The following GMPR variants were observed in gnomAD, a reference collection of about 807,000 sequenced individuals.
The protein encoded by GMPR is guanosine monophosphate reductase.
A neutral mutation model predicts 38.4 loss-of-function variants in GMPR; 31 were observed. The observed-to-expected ratio is 0.81, with a 90% CI of 0.61 to 1.09. The LOEUF is 1.09. Ranked by LOEUF, GMPR falls within the 50% of genes least tolerant of loss-of-function variation. The pLI is 0.00. For missense variants in GMPR, 468 were observed against 453.7 expected (o/e 1.03, Z -0.29); for synonymous variants, 162 against 173.3 (o/e 0.93, Z 0.51).
At chr6:16,250,114 T>A (rs116352774) in intron 2 of GMPR, among the ~76,000 whole-genome samples, 170 bp from the exon 3 acceptor site, 1 of 152,240 alleles carries the variant, frequency 6.6e-6, no homozygotes, top group African/African-American at 2.4e-5. Flanking sequence ...ATGATTTCAA[T>A]GGTTGTACCT....
chr6:16,288,554 C>G (rs1038280652), intron 7 of GMPR, among the ~76,000 whole-genome samples: 1 of 152,216 alleles, frequency 6.6e-6, no homozygotes, highest in Non-Finnish European at 1.5e-5. Flanking sequence ...TCCACGGGCT[C>G]CTGTGCGGCG....
Position 16,246,904 on chromosome 6 carries a change from C to A in GMPR, c.150C>A (p.Ile50=). 6.2e-7 allele frequency: 1 copy of A among 1,613,514 alleles called. No homozygotes were observed. The highest frequency in any genetic ancestry group is 8.5e-7 in the Non-Finnish European group (1 of 1,179,462). Residue 50 remains isoleucine (I), a synonymous_variant, in exon 2 of 9, where the codon ATC becomes ATA. Coordinates refer to ENST00000259727, the MANE Select transcript of GMPR (RefSeq NM_006877.4). ...AGCAGACCTACTCAGGGATTCCCAT[C>A]ATCGTGGCCAACATGGACACTGTGG... ...NSKQTYSGIP[I]IVANMDTVGT...
intron 4 of GMPR, among the ~76,000 whole-genome samples, chr6:16,266,506 T>A (rs891352004): frequency 6.7e-6 from 1 of 149,604 alleles, no homozygotes; most frequent in Non-Finnish European, 1.5e-5. Context: ...GTGCCACCTT[T>A]AAGAGCTGTA....
chr6:16,246,243 CAGG>C (rs1758753255), intron 1 of GMPR, among the ~76,000 whole-genome samples: 1 of 152,290 alleles, frequency 6.6e-6, no homozygotes, highest in Admixed American at 6.5e-5. Flanking sequence ...CTTGAAGTTG[CAGG>C]AGAATTGGAG....
At chr6:16,239,295 C>T (rs75612609) in intron 1 of GMPR, among the ~76,000 whole-genome samples, 3,414 of 152,222 alleles carry the variant, frequency 0.022, 114 homozygotes, top group African/African-American at 0.072. Flanking sequence ...CTGAGTTTGG[C>T]GGCCTTGCTG....
chr6:16,289,070 T>G (rs1306448257), intron 7 of GMPR, among the ~76,000 whole-genome samples: 1 of 151,730 alleles, frequency 6.6e-6, no homozygotes, highest in Admixed American at 6.6e-5. Context: ...TTTGGGAGGG[T>G]GATTTGTTGT....
At chr6:16,280,121 A>C (rs1410609632) in intron 6 of GMPR, among the ~76,000 whole-genome samples, 1 of 152,034 alleles carries the variant, frequency 6.6e-6, no homozygotes, top group Non-Finnish European at 1.5e-5. Flanking sequence ...GCAAAGGAAG[A>C]GGTTCGGGGC....
At chr6:16,259,732 A>C (rs1213788235) in intron 4 of GMPR, among the ~76,000 whole-genome samples, 3 of 152,232 alleles carry the variant, frequency 2.0e-5, no homozygotes, top group Non-Finnish European at 4.4e-5. Flanking sequence ...AAGGAGAAAA[A>C]CAGGTATTAA....
chr6:16,248,480 T>C (rs1758803468), intron 2 of GMPR, among the ~76,000 whole-genome samples: 1 of 151,594 alleles, frequency 6.6e-6, no homozygotes, highest in South Asian at 2.1e-4. Flanking sequence ...AGTGAAAAGA[T>C]AAATCCAATT....
chr6:16,251,133 C>T (rs186389148), intron 3 of GMPR, among the ~76,000 whole-genome samples: 1 of 152,308 alleles, frequency 6.6e-6, no homozygotes, highest in Non-Finnish European at 1.5e-5. Flanking sequence ...AAAGTAGACA[C>T]AACCCAAATG....
chr6:16,282,934 G>T (rs1045919914), intron 6 of GMPR, among the ~76,000 whole-genome samples: 3 of 151,190 alleles, frequency 2.0e-5, no homozygotes, highest in Admixed American at 6.6e-5. Flanking sequence ...TCAGCCTCCC[G>T]AGTAGCTGGG....
chr6:16,271,199 AT>A (rs1759377751), intron 4 of GMPR, among the ~76,000 whole-genome samples: 1 of 152,022 alleles, frequency 6.6e-6, no homozygotes. Flanking sequence ...TGAAAATGAA[AT>A]TGTGGCCGGG....
At chr6:16,289,230 C>T (rs970067008) in intron 7 of GMPR, among the ~76,000 whole-genome samples, 1 of 152,160 alleles carries the variant, frequency 6.6e-6, no homozygotes, top group Admixed American at 6.5e-5. Context: ...TCAGCCGCGC[C>T]ACCTTATAGA....
intron 4 of GMPR, among the ~76,000 whole-genome samples, chr6:16,266,342 A>T (rs1037071349): frequency 1.3e-5 from 2 of 148,922 alleles, no homozygotes; most frequent in Admixed American, 6.9e-5. Flanking sequence ...TGGGTGCGCC[A>T]CCTTTAAGAG....
rs753377612 is a variant in GMPR at position 16,278,826 on chromosome 6, C to T, written c.590C>T (p.Pro197Leu). 103 of 1,614,020 alleles carry T rather than the reference C, an allele frequency of 6.4e-5. 2 individuals are homozygous for T. Among genetic ancestry groups the T allele is most frequent in the Non-Finnish European group, 7.5e-5 (89 of 1,179,980 alleles). ...CGCACCAAGACGGGAGTGGGGTACCCCCAGCTGAGTGCCGTCATTGAGTGT... is the reference window on the plus strand; with the variant it reads ...CGCACCAAGACGGGAGTGGGGTACCTCCAGCTGAGTGCCGTCATTGAGTGT... The part of the protein sequence containing the change: ...TTRTKTGVGY[P>L]QLSAVIECAD... The change falls in exon 6 of 9, where the codon CCC becomes CTC. Residue 197 changes from proline (P) to leucine (L), a missense_variant. Physicochemically the swap from Pro to Leu is moderately conservative, Grantham distance 98 (BLOSUM62 -3). Coordinates refer to ENST00000259727, the MANE Select transcript of GMPR (RefSeq NM_006877.4).
chr6:16,286,659 C>T (rs1386653826), intron 7 of GMPR, among the ~76,000 whole-genome samples: 1 of 151,702 alleles, frequency 6.6e-6, no homozygotes, highest in Non-Finnish European at 1.5e-5. Flanking sequence ...ACCTGTAATC[C>T]CAGCACTTTG....
chr6:16,291,309 T>C (rs897281795), intron 8 of GMPR, among the ~76,000 whole-genome samples: 1 of 152,066 alleles, frequency 6.6e-6, no homozygotes, highest in Non-Finnish European at 1.5e-5. Flanking sequence ...CTGTAACCTC[T>C]GCCTCCCGGG....
chr6:16,246,861 T>G lies in GMPR; in HGVS notation c.107T>G (p.Phe36Cys), dbSNP rs1440897053. The G allele has an allele frequency of 1.2e-6, 2 of 1,613,656 alleles. No homozygotes were observed. Among genetic ancestry groups the G allele is most frequent in the South Asian group, 2.2e-5 (2 of 91,060 alleles). The part of the protein sequence containing the change: ...SRAEVDLERT[F>C]TFRNSKQTYS... ...CAACAGGTGGATCTTGAACGCACCTTCACGTTTCGAAATTCAAAGCAGACC... is the reference window on the plus strand; with the variant it reads ...CAACAGGTGGATCTTGAACGCACCTGCACGTTTCGAAATTCAAAGCAGACC... The change falls in exon 2 of 9, where the codon TTC becomes TGC. Residue 36 changes from phenylalanine (F) to cysteine (C), a missense_variant. By Grantham distance (205) the Phe-to-Cys change is radical (BLOSUM62 -2). Coordinates refer to ENST00000259727, the MANE Select transcript of GMPR (RefSeq NM_006877.4).
At chr6:16,252,598 CATTACCAAGTGT>C (rs1758897683) in intron 3 of GMPR, among the ~76,000 whole-genome samples, 2 of 152,296 alleles carry the variant, frequency 1.3e-5, no homozygotes, top group South Asian at 4.1e-4. Context: ...CTGTGGCTTT[CATTACCAAGTGT>C]GATACATCGA....
Sources: allele counts gnomAD v4.1 joint callset (sites outside exome capture counted in the v4.1 genomes callset), GRCh38; gene constraint gnomAD v4.1.1; transcripts MANE v1.5; gene names NCBI Gene and HGNC (gene_info 2026-07-23, HGNC 2026-07-21).